The following CCDC144A variants were observed in gnomAD, a reference collection of about 807,000 sequenced individuals.
CCDC144A encodes coiled-coil domain containing 144A, also known as coiled-coil domain-containing protein 144A.
CCDC144A carries 41 observed loss-of-function variants against 143.8 expected under a neutral mutation model. The ratio of observed to expected loss-of-function variants is 0.29; its 90% CI spans 0.22 to 0.37. CCDC144A has a LOEUF of 0.37. Among genes scored for constraint, CCDC144A ranks in the 10% least tolerant of loss-of-function variants. The probability of loss-of-function intolerance (pLI) is 1.00; values close to 1 mark genes in which losing one functional copy is unlikely to be tolerated. For synonymous variants in CCDC144A, 242 were observed against 517.9 expected, an observed-to-expected ratio of 0.47 and a Z score of 7.23; for missense variants, 637 against 1,488.8, an observed-to-expected ratio of 0.43 and a Z score of 9.41.
intron 12 of CCDC144A, among the ~76,000 whole-genome samples, chr17:16,742,664 G>A (rs1356564585): frequency 1.3e-5 from 2 of 152,054 alleles, no homozygotes; most frequent in South Asian, 2.1e-4. Flanking sequence ...TTCCCTCCAC[G>A]AGTGCATAAG....
chr17:16,753,428 G>GTTT, intron 12 of CCDC144A, among the ~76,000 whole-genome samples: 16 of 57,366 alleles, frequency 2.8e-4, no homozygotes, highest in East Asian at 8.3e-4. Context: ...GTGTTTTGTA[G>GTTT]TTTTTTTTTT....
chr17:16,684,009 C>T, the CCDC144A span: 7 of 966,816 alleles, frequency 7.2e-6, no homozygotes, highest in Non-Finnish European at 8.5e-6. Context: ...AACCAAAGAG[C>T]GGAAATTCAT....
At chr17:16,756,201 C>A (rs1321839224) in intron 12 of CCDC144A, among the ~76,000 whole-genome samples, 1 of 152,208 alleles carries the variant, frequency 6.6e-6, no homozygotes, top group Non-Finnish European at 1.5e-5. Context: ...GTTTTCTGTG[C>A]CTTTTCCCAT....
At chr17:16,686,165 A>G (rs1438404386), upstream of CCDC144A, among the ~76,000 whole-genome samples, 1 of 141,098 alleles carries the variant, frequency 7.1e-6, no homozygotes, top group Non-Finnish European at 1.5e-5. Context: ...GCGCGATTTC[A>G]GCTCACTCAG....
In CCDC144A at chr17:16,750,943, T is replaced by C. The variant is rs552041657; in HGVS notation, c.3373-10482T>C. On this transcript the variant is annotated intron_variant, in intron 12 of 16. Transcript: ENST00000399273. ...TTTTGGATGGTTATACTGGCTTCCT[T>C]GGATTGGATTTCAACTTTCTCTTTA... Among the ~76,000 whole-genome samples the C allele has an allele frequency of 4.6e-5, 7 of 152,310 alleles. No individual in the cohort carries two copies. In the South Asian group the frequency reaches 1.2e-3, roughly 27 times the overall value.
chr17:16,771,908 G>A, intron 15 of CCDC144A, 69 bp from the exon 16 acceptor site: 3 of 1,296,018 alleles, frequency 2.3e-6, no homozygotes, highest in Non-Finnish European at 3.2e-6. Flanking sequence ...GCCGCATTTT[G>A]TAATTAATGC....
intron 8 of CCDC144A, among the ~76,000 whole-genome samples, chr17:16,726,398 GA>G (rs1913426894): frequency 7.1e-6 from 1 of 141,770 alleles, no homozygotes; most frequent in African/African-American, 2.9e-5. Flanking sequence ...AAAAAAAAGA[GA>G]GATAAAAAAA....
chr17:16,714,588 T>C (rs1386405327), intron 6 of CCDC144A, among the ~76,000 whole-genome samples: 1 of 152,000 alleles, frequency 6.6e-6, no homozygotes, highest in African/African-American at 2.4e-5. Context: ...ATCTTCCATT[T>C]CCAAGCCACC....
In CCDC144A at chr17:16,762,790, G is replaced by C. The variant is rs1915434836; in HGVS notation, c.3887+257G>C. On this transcript the variant is annotated intron_variant, in intron 14 of 16. Coordinates refer to ENST00000399273, the MANE Select transcript of CCDC144A (RefSeq NM_001382000.1). ...CTCTCCTGTTTTTTGGTTTTATGTG[G>C]CTTCCCCCAACCCCTTAATATTCTT... Among the ~76,000 whole-genome samples, 4 of 152,078 alleles carry C rather than the reference G, an allele frequency of 2.6e-5. No homozygotes were observed. In the South Asian group the frequency reaches 8.3e-4, roughly 32 times the overall value.
rs1916024527 is a variant in CCDC144A at position 16,777,054 on chromosome 17, T to TA, written c.*3422dup. On this transcript the variant is annotated 3_prime_UTR_variant, in exon 17 of 17. Coordinates refer to ENST00000399273, the MANE Select transcript of CCDC144A (RefSeq NM_001382000.1). ...TGGACACATCAAAAGCGAGCAGGAG[T>TA]AGCTGTTCTTATATCAGACAAAACG... The TA allele has an allele frequency of 7.2e-6, 1 of 138,142 alleles. No individual in the cohort carries two copies. The highest frequency in any genetic ancestry group is 1.5e-5 in the Non-Finnish European group (1 of 65,036). 8.6% of individuals were successfully genotyped at this position (138,142 alleles called of 1,614,324 possible).
chr17:16,686,961 C>A (rs1030118405), upstream of CCDC144A, among the ~76,000 whole-genome samples: 7 of 152,056 alleles, frequency 4.6e-5, no homozygotes, highest in African/African-American at 1.2e-4. Flanking sequence ...GCAGTCCTCA[C>A]CCCAGCTAGG....
chr17:16,679,378 T>C, the CCDC144A span, among the ~76,000 whole-genome samples: 4 of 144,090 alleles, frequency 2.8e-5, no homozygotes, highest in Non-Finnish European at 4.6e-5. Context: ...TGATAAACCT[T>C]ATAGAATGAC....
At chr17:16,749,315 G>T (rs1399254424) in intron 12 of CCDC144A, among the ~76,000 whole-genome samples, 1 of 152,032 alleles carries the variant, frequency 6.6e-6, no homozygotes, top group African/African-American at 2.4e-5. Flanking sequence ...ACAAATCATT[G>T]TTTGATTTCT....
At chr17:16,723,850 T>C (rs1362880209) in intron 8 of CCDC144A, among the ~76,000 whole-genome samples, 1 of 152,210 alleles carries the variant, frequency 6.6e-6, no homozygotes, top group Non-Finnish European at 1.5e-5. Context: ...CAGATGCTTA[T>C]TGTATCATTT....
intron 9 of CCDC144A, among the ~76,000 whole-genome samples, chr17:16,729,977 T>TATATATAC (rs1913650210): frequency 7.4e-6 from 1 of 134,832 alleles, no homozygotes. Flanking sequence ...TATATATATA[T>TATATATAC]ATATATATAT....
chr17:16,686,785 CAAAG>C (rs1910800967), upstream of CCDC144A, among the ~76,000 whole-genome samples: 1 of 138,918 alleles, frequency 7.2e-6, no homozygotes, highest in Non-Finnish European at 1.5e-5. Context: ...CACACACACA[CAAAG>C]AAAAGAAATA....
In CCDC144A at chr17:16,708,772, A is replaced by G. The variant is rs138475375; in HGVS notation, c.739-24A>G. ...ACCCAAGAAATAAAACAAGCAAATT[A>G]ATCTTCCACTTTTGCATCTGCAGAA... On this transcript the variant is annotated intron_variant, in intron 4 of 16. Coordinates refer to ENST00000399273, the MANE Select transcript of CCDC144A (RefSeq NM_001382000.1). The G allele has an allele frequency of 4.3e-5, 69 of 1,611,456 alleles. No individual in the cohort carries two copies. The African/African-American group carries it at 8.0e-4, about 19-fold the overall frequency.
chr17:16,758,977 G>T (rs1308127176), intron 12 of CCDC144A, among the ~76,000 whole-genome samples: 1 of 152,250 alleles, frequency 6.6e-6, no homozygotes, highest in Non-Finnish European at 1.5e-5. Context: ...AGTGCCTTAA[G>T]ATGCGTATAC....
intron 2 of CCDC144A, among the ~76,000 whole-genome samples, chr17:16,699,948 G>A (rs1340657532): frequency 1.3e-5 from 2 of 152,134 alleles, no homozygotes; most frequent in Non-Finnish European, 2.9e-5. Flanking sequence ...TTAGGGAAAG[G>A]TATTCTGTGA....
Sources: allele counts gnomAD v4.1 joint callset (sites outside exome capture counted in the v4.1 genomes callset), GRCh38; gene constraint gnomAD v4.1.1; transcripts MANE v1.5; gene names NCBI Gene and HGNC (gene_info 2026-07-23, HGNC 2026-07-21).